Variants in RGS9 observed in about 807,000 individuals in gnomAD.
The protein encoded by RGS9 is regulator of G-protein signalling 9.
In RGS9, 78 loss-of-function variants were observed where a neutral mutation model predicts 102.0. The ratio of observed to expected loss-of-function variants is 0.76; its 90% confidence interval spans 0.64 to 0.92. RGS9 has a LOEUF of 0.92. Ranked by LOEUF, RGS9 falls within the 40% of genes least tolerant of loss-of-function variation. RGS9 has a pLI of 0.00. For synonymous variants in RGS9, 353 were observed against 318.6 expected (o/e 1.11, Z -1.15); for missense variants, 833 against 866.1 (o/e 0.96, Z 0.48).
intron 11 of RGS9, among the ~76,000 whole-genome samples, chr17:65,192,458 T>TA (rs910925252): frequency 4.6e-5 from 7 of 151,554 alleles, no homozygotes; most frequent in African/African-American, 1.7e-4. Flanking sequence ...CTACAAAGAA[T>TA]AAAAAAAATT....
chr17:65,184,320 T>C (rs1912019060), intron 9 of RGS9, among the ~76,000 whole-genome samples: 1 of 152,204 alleles, frequency 6.6e-6, no homozygotes, highest in South Asian at 2.1e-4. Context: ...TATGTTTGAA[T>C]TTCAGATAAG....
chr17:65,185,978 C>T (rs1026453852), intron 9 of RGS9, among the ~76,000 whole-genome samples: 2 of 152,096 alleles, frequency 1.3e-5, no homozygotes, highest in African/African-American at 2.4e-5. Flanking sequence ...GTTCTGGCCG[C>T]AGAACAGTGG....
intron 14 of RGS9, among the ~76,000 whole-genome samples, chr17:65,203,178 G>A (rs566808571): frequency 6.6e-6 from 1 of 152,244 alleles, no homozygotes; most frequent in Non-Finnish European, 1.5e-5. Flanking sequence ...AAAAGCTTGA[G>A]GTCTCACTTC....
At chr17:65,207,396 T>A (rs183077012) in intron 15 of RGS9, among the ~76,000 whole-genome samples, 49 of 152,336 alleles carry the variant, frequency 3.2e-4, no homozygotes, top group Admixed American at 2.7e-3. Context: ...CAGGTAGTTG[T>A]TAATTGTTAA....
At chr17:65,210,393 G>A in intron 16 of RGS9, 95 bp from the exon 17 acceptor site, 1 of 1,433,802 alleles carries the variant, frequency 7.0e-7, no homozygotes, top group Non-Finnish European at 9.8e-7. Context: ...ATAGATTCTG[G>A]ACCTTCCAGC....
chr17:65,162,847 T>G (rs1201396222), intron 6 of RGS9, among the ~76,000 whole-genome samples, 166 bp from the exon 7 acceptor site: 1 of 152,210 alleles, frequency 6.6e-6, no homozygotes, highest in East Asian at 1.9e-4. Context: ...AGAATTCAGC[T>G]GCTCCTTGAG....
chr17:65,152,384 A>C (rs1567861268), intron 1 of RGS9, among the ~76,000 whole-genome samples: 1 of 152,178 alleles, frequency 6.6e-6, no homozygotes, highest in East Asian at 1.9e-4. Flanking sequence ...CAGTAGGGGA[A>C]CTTTATCATT....
At chr17:65,175,267 G>A (rs2144030988) in intron 8 of RGS9, among the ~76,000 whole-genome samples, 1 of 152,120 alleles carries the variant, frequency 6.6e-6, no homozygotes, top group Admixed American at 6.5e-5. Flanking sequence ...GTATGAGAGT[G>A]TGTGGGTGTG....
intron 11 of RGS9, 60 bp downstream of exon 11, chr17:65,190,296 C>T: frequency 1.5e-6 from 2 of 1,320,054 alleles, no homozygotes; most frequent in Non-Finnish European, 2.2e-6. Context: ...AAGAGGAGAA[C>T]TTCTGCAAAC....
At chr17:65,189,030 G>C (rs1912249369) in intron 9 of RGS9, 7 of 558,762 alleles carry the variant, frequency 1.3e-5, no homozygotes, top group Non-Finnish European at 1.9e-5. Context: ...GTCCTTAATT[G>C]ATCTTGGCCT....
chr17:65,192,517 C>T (rs540955491), intron 11 of RGS9, among the ~76,000 whole-genome samples: 7 of 151,638 alleles, frequency 4.6e-5, no homozygotes, highest in South Asian at 4.2e-4. Context: ...ATGACACTGA[C>T]GTGGGAGGAC....
intron 9 of RGS9, among the ~76,000 whole-genome samples, chr17:65,186,323 T>TCCACA (rs1239121004): frequency 1.4e-5 from 2 of 143,570 alleles, no homozygotes; most frequent in African/African-American, 5.0e-5. Context: ...CAGTCCCGCC[T>TCCACA]CCACCCCACC....
At chr17:65,194,689 A>C (rs1465201096) in intron 12 of RGS9, among the ~76,000 whole-genome samples, 3 of 152,150 alleles carry the variant, frequency 2.0e-5, no homozygotes, top group Middle Eastern at 3.4e-3. Context: ...ACACAGAGGG[A>C]GGAAGAAGAG....
intron 7 of RGS9, among the ~76,000 whole-genome samples, chr17:65,163,773 A>G (rs1326079684): frequency 3.9e-5 from 6 of 152,200 alleles, no homozygotes; most frequent in Non-Finnish European, 7.3e-5. Flanking sequence ...AGGCAGAACC[A>G]GAGGCTGGAG....
At chr17:65,162,663 G>T (rs1339222620) in intron 6 of RGS9, among the ~76,000 whole-genome samples, 1 of 151,568 alleles carries the variant, frequency 6.6e-6, no homozygotes. Context: ...TAGAGACAGG[G>T]TTTCACCATG....
intron 7 of RGS9, among the ~76,000 whole-genome samples, chr17:65,165,174 C>G (rs561720515): frequency 2.0e-5 from 3 of 152,178 alleles, no homozygotes; most frequent in South Asian, 4.2e-4. Context: ...GACTATGAAC[C>G]CTGACATCTG....
chr17:65,204,256 T>C lies in RGS9; in HGVS notation c.1158T>C (p.Tyr386=). The change falls in exon 15 of 19, where the codon TAT becomes TAC. Residue 386 remains tyrosine, a synonymous_variant. Transcript: ENST00000262406. ...AGGGGCTGAAGCACCCCCACCGCTA[T>C]GTGCTGGACGCCGCACAAACCCACA... is the stretch of plus-strand genomic sequence containing the variant. ...TVKGLKHPHR[Y]VLDAAQTHIY... 2.5e-6 allele frequency: 4 copies of C among 1,613,660 alleles called. No homozygotes were observed. Among genetic ancestry groups the C allele is most frequent in the Non-Finnish European group, 3.4e-6 (4 of 1,180,028 alleles).
chr17:65,204,787 C>T (rs935005403), intron 15 of RGS9, among the ~76,000 whole-genome samples: 7 of 152,168 alleles, frequency 4.6e-5, no homozygotes, highest in East Asian at 1.9e-4. Flanking sequence ...AAGGTGCAGT[C>T]GCTGTGCGAA....
intron 11 of RGS9, among the ~76,000 whole-genome samples, chr17:65,191,114 G>A (rs78895980): frequency 6.6e-6 from 1 of 152,284 alleles, no homozygotes; most frequent in East Asian, 1.9e-4. Flanking sequence ...CTGCTGCTAA[G>A]CCCTGATCCC....
Sources: allele counts gnomAD v4.1 joint callset (sites outside exome capture counted in the v4.1 genomes callset), GRCh38; gene constraint gnomAD v4.1.1; transcripts MANE v1.5; gene names NCBI Gene and HGNC (gene_info 2026-07-23, HGNC 2026-07-21).